Variants in ZBTB44 observed in about 807,000 individuals in gnomAD.
ZBTB44 encodes zinc finger and BTB domain containing 44, also known as zinc finger and BTB domain-containing protein 44.
Under a neutral mutation model 54.0 loss-of-function variants are expected in ZBTB44, and 15 were observed. The observed-to-expected ratio is 0.28, with a 90% CI of 0.19 to 0.43. ZBTB44 has a LOEUF of 0.43. ZBTB44 is among the 20% of genes least tolerant of loss of function. The pLI is 1.00. For synonymous variants in ZBTB44, 230 were observed against 250.1 expected (o/e 0.92, Z 0.76); for missense variants, 487 against 707.1 (o/e 0.69, Z 3.53).
rs116080230 is a variant in ZBTB44, at chr11:130,278,414, G to A, written c.-56-16485C>T. Among the ~76,000 whole-genome samples, 926 of 152,282 alleles carry A rather than the reference G, an allele frequency of 6.1e-3. 8 individuals carry two copies. Among genetic ancestry groups the A allele is most frequent in the African/African-American group, 0.021 (871 of 41,566 alleles). ...AATGCTTTATCACTTTCACTTTTGT[G>A]CTATCATACACTAAAAACTTGTAAG... is the stretch of plus-strand genomic sequence containing the variant. On this transcript the variant is annotated intron_variant, in intron 1 of 7. Transcript: ENST00000357899.
intron 3 of ZBTB44, 21 bp from the exon 4 acceptor site, chr11:130,238,628 A>G (rs781176656): frequency 8.1e-6 from 13 of 1,601,346 alleles, no homozygotes; most frequent in South Asian, 6.8e-5. Flanking sequence ...CAGACCAAAG[A>G]AGGCAACCAG....
rs890096599 is a variant in ZBTB44, at chr11:130,229,786, C to G, written c.*1978G>C. 1 of 152,136 alleles carries G rather than the reference C, an allele frequency of 6.6e-6. No individual in the cohort carries two copies. Among genetic ancestry groups the G allele is most frequent in the Non-Finnish European group, 1.5e-5 (1 of 68,000 alleles). 9.4% of individuals were successfully genotyped at this position (152,136 alleles called of 1,614,324 possible). A position where few individuals can be genotyped will look rare whatever the true frequency, so the allele number is the denominator to read the frequency against. On this transcript the variant is annotated 3_prime_UTR_variant, in exon 8 of 8. Transcript: ENST00000357899. ...AATATATTACAAATAAAGCATCTTA[C>G]GTCAATAACTTACTTACAGTGAAAA...
At chr11:130,313,966 A>ATATTTTTTTTT (rs1160244728) in intron 1 of ZBTB44, among the ~76,000 whole-genome samples, 17 of 116,236 alleles carry the variant, frequency 1.5e-4, no homozygotes, top group African/African-American at 4.8e-4. Flanking sequence ...ATATATATAT[A>ATATTTTTTTTT]TTTTTTTAAA....
chr11:130,282,585 T>G (rs532446170), intron 1 of ZBTB44, among the ~76,000 whole-genome samples: 33 of 152,214 alleles, frequency 2.2e-4, no homozygotes, highest in Non-Finnish European at 4.1e-4. Context: ...AATAAAAGGT[T>G]TGAATCACAA....
intron 2 of ZBTB44, among the ~76,000 whole-genome samples, chr11:130,246,089 CTT>C (rs1954631700): frequency 6.6e-6 from 1 of 152,266 alleles, no homozygotes; most frequent in East Asian, 1.9e-4. Flanking sequence ...TTAAAACAGA[CTT>C]TTGGAATTCT....
rs1489816874 is a variant in ZBTB44 at position 130,234,300 on chromosome 11, T to C, written c.1569-27A>G. On this transcript the variant is annotated intron_variant, in intron 5 of 7. Coordinates refer to ENST00000357899, the MANE Select transcript of ZBTB44 (RefSeq NM_001301098.2). ...TAGATAAGAGGCAAAGGATGAAATA[T>C]GGAATTAATTTTCAAACCAGTAATA... 1.0e-5 allele frequency: 15 copies of C among 1,500,834 alleles called. No homozygotes were observed. The East Asian group carries it at 1.5e-4, about 15-fold the overall frequency. The allele number at this position is 1,500,834 out of a possible 1,614,324, so 93.0% of individuals were successfully genotyped here. A position where few individuals can be genotyped will look rare whatever the true frequency, so the allele number is the denominator to read the frequency against.
intron 1 of ZBTB44, among the ~76,000 whole-genome samples, chr11:130,312,606 C>G (rs78980080): frequency 0.063 from 9,516 of 152,030 alleles, 735 homozygotes; most frequent in African/African-American, 0.18. Context: ...TGGTCAATTA[C>G]GTGTCAGAAA....
chr11:130,235,847 C>CA (rs1333065592), intron 5 of ZBTB44, among the ~76,000 whole-genome samples: 2 of 151,470 alleles, frequency 1.3e-5, no homozygotes, highest in East Asian at 3.9e-4. Flanking sequence ...ACTAAAAATA[C>CA]AAATATTAGC....
At chr11:130,246,874 T>A (rs556599348) in intron 2 of ZBTB44, among the ~76,000 whole-genome samples, 11 of 152,304 alleles carry the variant, frequency 7.2e-5, no homozygotes, top group Admixed American at 7.2e-4. Context: ...GACCCTTATT[T>A]AAAGCGAGAC....
chr11:130,281,961 T>C (rs1210215901), intron 1 of ZBTB44, among the ~76,000 whole-genome samples: 1 of 151,990 alleles, frequency 6.6e-6, no homozygotes, highest in Non-Finnish European at 1.5e-5. Context: ...TCCAATACCC[T>C]ATTTGCATGA....
At chr11:130,241,397 A>G (rs1382785217) in intron 2 of ZBTB44, among the ~76,000 whole-genome samples, 2 of 152,210 alleles carry the variant, frequency 1.3e-5, no homozygotes, top group Non-Finnish European at 2.9e-5. Flanking sequence ...TGGATTTTTA[A>G]GTTATTACCA....
At chr11:130,266,501 T>C (rs948130872) in intron 1 of ZBTB44, among the ~76,000 whole-genome samples, 5 of 152,248 alleles carry the variant, frequency 3.3e-5, no homozygotes, top group African/African-American at 4.8e-5. Flanking sequence ...ATAGCTGCCA[T>C]AGATACTGAT....
chr11:130,299,115 T>C (rs1332258444), intron 1 of ZBTB44, among the ~76,000 whole-genome samples: 1 of 151,756 alleles, frequency 6.6e-6, no homozygotes, highest in Non-Finnish European at 1.5e-5. Context: ...AGGGCAATCA[T>C]CGTCACCACA....
chr11:130,282,248 G>A (rs113100169), intron 1 of ZBTB44, among the ~76,000 whole-genome samples: 1,976 of 152,166 alleles, frequency 0.013, 48 homozygotes, highest in African/African-American at 0.045. Flanking sequence ...TCCGTCTCTG[G>A]AGCTTTGTCA....
chr11:130,305,410 T>G (rs1293236790), intron 1 of ZBTB44, among the ~76,000 whole-genome samples: 1 of 152,130 alleles, frequency 6.6e-6, no homozygotes, highest in African/African-American at 2.4e-5. Context: ...AAAACAGGCA[T>G]GTAGACCGAT....
intron 1 of ZBTB44, among the ~76,000 whole-genome samples, chr11:130,288,844 C>G (rs1941131955): frequency 6.6e-6 from 1 of 151,310 alleles, no homozygotes; most frequent in East Asian, 2.0e-4. Context: ...TTGCAGTGAG[C>G]TGAGATCACA....
At chr11:130,231,867 C>T (rs1953888792) in intron 7 of ZBTB44, 152 bp from the exon 8 acceptor site, 1 of 152,144 alleles carries the variant, frequency 6.6e-6, no homozygotes, top group Non-Finnish European at 1.5e-5. Flanking sequence ...AGTTGAGACA[C>T]AGCAGTACTA....
intron 1 of ZBTB44, among the ~76,000 whole-genome samples, chr11:130,292,205 A>T (rs1466576424): frequency 6.6e-6 from 1 of 152,246 alleles, no homozygotes; most frequent in Non-Finnish European, 1.5e-5. Context: ...GGCTATTACG[A>T]ATAAAGCCGC....
rs542720361 is a variant in ZBTB44 at position 130,248,241 on chromosome 11, A to G, written c.1019-8345T>C. 3.3e-5 allele frequency among the ~76,000 whole-genome samples: 5 copies of G among 152,368 alleles called. No homozygotes were observed. In the South Asian group the frequency reaches 6.2e-4, roughly 19 times the overall value. ...CCTCTCAAATTTACTGACTGCCTTC[A>G]ATACCGCAAGGAATTTTCTGTATGG... On this transcript the variant is annotated intron_variant, in intron 2 of 7. Transcript: ENST00000357899.
Sources: allele counts gnomAD v4.1 joint callset (sites outside exome capture counted in the v4.1 genomes callset), GRCh38; gene constraint gnomAD v4.1.1; transcripts MANE v1.5; gene names NCBI Gene and HGNC (gene_info 2026-07-23, HGNC 2026-07-21).